Variants in TTC12 observed in about 807,000 individuals in gnomAD.
TTC12 encodes tetratricopeptide repeat protein 12.
In TTC12, 70 loss-of-function variants were observed where a neutral mutation model predicts 90.1. That is an observed-to-expected ratio of 0.78 (90% CI 0.64 to 0.95). The LOEUF (loss-of-function observed/expected upper bound fraction) is 0.95, where lower values mean the gene tolerates loss of function less well. Ranked by LOEUF, TTC12 falls within the 40% of genes least tolerant of loss-of-function variation. The pLI, the probability that TTC12 is intolerant of heterozygous loss-of-function variation, is 0.00. For synonymous variants in TTC12, 296 were observed against 311.5 expected (o/e 0.95, Z 0.53); for missense variants, 819 against 846.1 (o/e 0.97, Z 0.40).
At chr11:113,356,088 C>A (rs1189975542) in intron 16 of TTC12, among the ~76,000 whole-genome samples, 1 of 152,196 alleles carries the variant, frequency 6.6e-6, no homozygotes, top group Non-Finnish European at 1.5e-5. Context: ...CTTTGAAGGT[C>A]TCTAAGAACT....
In TTC12 at chr11:113,365,024, G is replaced by A. The variant is rs778362998; in HGVS notation, c.2006G>A (p.Gly669Asp). The A allele has an allele frequency of 1.2e-6, 2 of 1,614,156 alleles. No homozygotes were observed. Among genetic ancestry groups the A allele is most frequent in the Non-Finnish European group, 1.7e-6 (2 of 1,180,030 alleles). Residue 669 changes from glycine (G) to aspartate (D), a missense_variant, in exon 21 of 22, where the codon GGC (glycine) becomes GAC (aspartate). Gly to Asp is a moderately conservative substitution (Grantham distance 94, BLOSUM62 -1). Coordinates refer to ENST00000529221, the MANE Select transcript of TTC12 (RefSeq NM_017868.4). ...AAGACGGCCGTGCAGGTGAACGCAG[G>A]CATTGCTCTGGGGAAGCTGTGCACA... ...TQKTAVQVNA[G>D]IALGKLCTAE...
At chr11:113,329,657 TC>T (rs1555142042) in intron 6 of TTC12, 6 of 560,932 alleles carry the variant, frequency 1.1e-5, no homozygotes, top group Middle Eastern at 2.7e-4. Flanking sequence ...GTAATGGCTG[TC>T]CACTGTTGCT....
intron 7 of TTC12, among the ~76,000 whole-genome samples, chr11:113,332,353 G>A (rs1478783408): frequency 6.6e-6 from 1 of 152,194 alleles, no homozygotes; most frequent in Non-Finnish European, 1.5e-5. Flanking sequence ...GGAAGGCAAA[G>A]TCACAACTAT....
intron 2 of TTC12, among the ~76,000 whole-genome samples, chr11:113,318,330 G>T (rs1947080940): frequency 6.6e-6 from 1 of 152,182 alleles, no homozygotes; most frequent in Non-Finnish European, 1.5e-5. Flanking sequence ...TGGCTTAAAT[G>T]ACAAAACTTT....
chr11:113,335,756 C>A (rs1565590778), intron 8 of TTC12, among the ~76,000 whole-genome samples: 1 of 152,132 alleles, frequency 6.6e-6, no homozygotes, highest in Non-Finnish European at 1.5e-5. Context: ...TGTATCAGTT[C>A]TTCATTCCTT....
rs111923304 is a variant in TTC12, at chr11:113,359,928, C to G, written c.1546-12C>G. The G allele has an allele frequency of 4.5e-3, 7,128 of 1,586,768 alleles. 16 individuals are homozygous for G. The highest frequency in any genetic ancestry group is 5.5e-3 in the Non-Finnish European group (6,447 of 1,165,876). ...ATTAAAATCTCCTGCTGGCCTCTCC[C>G]CATTGTTGTAGGTTTGGGCTGTGGA... On this transcript the variant is annotated splice_polypyrimidine_tract_variant and intron_variant, in intron 17 of 21. Transcript: ENST00000529221.
chr11:113,350,244 T>C, intron 14 of TTC12, 79 bp downstream of exon 14: 1 of 1,159,974 alleles, frequency 8.6e-7, no homozygotes. Context: ...ATGTGCTGTA[T>C]TCAGAGAGGC....
At chr11:113,340,559 G>T in intron 10 of TTC12, 105 bp from the exon 11 acceptor site, 1 of 798,800 alleles carries the variant, frequency 1.3e-6, no homozygotes, top group South Asian at 1.4e-5. Context: ...CGTGGGTACC[G>T]TGGCATTCCA....
chr11:113,323,662 A>C (rs1947496325), intron 3 of TTC12, among the ~76,000 whole-genome samples: 1 of 152,082 alleles, frequency 6.6e-6, no homozygotes, highest in African/African-American at 2.4e-5. Context: ...TTTTAATGGA[A>C]ATTTCCCCTC....
At chr11:113,361,179 T>C (rs1345769647) in intron 18 of TTC12, among the ~76,000 whole-genome samples, 1 of 152,176 alleles carries the variant, frequency 6.6e-6, no homozygotes, top group African/African-American at 2.4e-5. Flanking sequence ...TGGTGTCAAC[T>C]ATAGCAAAAT....
intron 1 of TTC12, chr11:113,314,889 G>GCTCCGCGCGGGGC (rs782500266): frequency 4.6e-5 from 7 of 152,224 alleles, no homozygotes; most frequent in South Asian, 2.1e-4. Flanking sequence ...TCGGGCACAG[G>GCTCCGCGCGGGGC]TCCCCGCTGC....
At chr11:113,350,678 C>A (rs1949228413) in intron 14 of TTC12, among the ~76,000 whole-genome samples, 1 of 152,196 alleles carries the variant, frequency 6.6e-6, no homozygotes, top group Non-Finnish European at 1.5e-5. Context: ...TCTTAGTTTT[C>A]ATAATTTTTC....
chr11:113,319,918 A>G (rs1450367232), intron 2 of TTC12, among the ~76,000 whole-genome samples: 6 of 152,202 alleles, frequency 3.9e-5, no homozygotes, highest in African/African-American at 7.2e-5. Flanking sequence ...TACATACCTT[A>G]GTAAGAAAAA....
intron 3 of TTC12, 59 bp from the exon 4 acceptor site, chr11:113,323,935 T>C: frequency 7.1e-7 from 1 of 1,399,204 alleles, no homozygotes; most frequent in Non-Finnish European, 1.0e-6. Context: ...TATATACATA[T>C]AAATTAGAGT....
chr11:113,339,832 C>T (rs1948586130), intron 10 of TTC12, among the ~76,000 whole-genome samples: 1 of 152,036 alleles, frequency 6.6e-6, no homozygotes, highest in Non-Finnish European at 1.5e-5. Flanking sequence ...CACACTCACA[C>T]CATAAGTACT....
chr11:113,361,826 TA>T (rs1949946603), intron 18 of TTC12, among the ~76,000 whole-genome samples: 1 of 149,286 alleles, frequency 6.7e-6, no homozygotes, highest in African/African-American at 2.5e-5. Context: ...AAGATAAACA[TA>T]AAAATTGATC....
chr11:113,351,262 A>T lies in TTC12; in HGVS notation c.1271A>T (p.Asn424Ile), dbSNP rs782029311. The change falls in exon 15 of 22, where the codon AAC (asparagine) becomes ATC (isoleucine). Residue 424 changes from asparagine (N) to isoleucine (I), a missense_variant. Coordinates refer to ENST00000529221, the MANE Select transcript of TTC12 (RefSeq NM_017868.4). ...AGATTCCAAGTCTGGTTCCAGGCCAACCTTCCAGGTGTTCTCCCTGCACTC... is the reference window on the plus strand; with the variant it reads ...AGATTCCAAGTCTGGTTCCAGGCCATCCTTCCAGGTGTTCTCCCTGCACTC... Reference protein sequence around the residue: ...EERFQVWFQANLPGVLPALTG... With the variant: ...EERFQVWFQAILPGVLPALTG... 4 of 1,614,154 alleles carry T rather than the reference A, an allele frequency of 2.5e-6. No homozygotes were observed. The highest frequency in any genetic ancestry group is 8.5e-7 in the Non-Finnish European group (1 of 1,179,994).
At position 113,365,038 on chromosome 11, in the gene TTC12, AAGCTGTGCAC is replaced by A; in HGVS notation, c.2026_2035del (p.Cys676SerfsTer8). 1 of 1,614,032 alleles carries A rather than the reference AAGCTGTGCAC, an allele frequency of 6.2e-7. No individual in the cohort carries two copies. The stretch of plus-strand genomic sequence containing the variant: ...GGTGAACGCAGGCATTGCTCTGGGG[AAGCTGTGCAC>A]AGCTGAGCCCAGGTATGCTGTGGAC... On this transcript the variant is annotated frameshift_variant, in exon 21 of 22. Transcript: ENST00000529221. LOFTEE classifies it high-confidence loss of function.
chr11:113,362,424 G>T lies in TTC12; in HGVS notation c.1638G>T (p.Arg546=), dbSNP rs1555155528. ...AGAGAGCTGCTGGTGTTCTGAGCCG[G>T]ACCCTTTCTTCCTCTCTGAAAATTG... The part of the protein sequence containing the change: ...ILTRAAGVLS[R]TLSSSLKIVE... Residue 546 remains arginine, a synonymous_variant, in exon 19 of 22, where the codon CGG becomes CGT. Transcript: ENST00000529221. 6.2e-7 allele frequency: 1 copy of T among 1,613,954 alleles called. No homozygotes were observed. The highest frequency in any genetic ancestry group is 8.5e-7 in the Non-Finnish European group (1 of 1,179,856).
Sources: gnomAD v4.1 joint callset for allele counts (sites outside exome capture counted in the v4.1 genomes callset) on GRCh38, gnomAD v4.1.1 for gene constraint, MANE v1.5 for transcripts, NCBI Gene and HGNC (gene_info 2026-07-23, HGNC 2026-07-21) for gene names.